Variants in FOXP3 observed in about 807,000 individuals in gnomAD.
FOXP3 encodes the protein forkhead box protein P3.
Under a neutral mutation model 31.2 loss-of-function variants are expected in FOXP3, and 5 were observed. The ratio of observed to expected loss-of-function variants is 0.16; its 90% CI spans 0.08 to 0.34. FOXP3 has a LOEUF of 0.34. Among genes scored for constraint, FOXP3 ranks in the 10% least tolerant of loss-of-function variants. The probability of loss-of-function intolerance (pLI) is 1.00; values close to 1 mark genes in which losing one functional copy is unlikely to be tolerated. For synonymous variants in FOXP3, 141 were observed against 148.8 expected, an observed-to-expected ratio of 0.95 and a Z score of 0.38; for missense variants, 251 against 363.0, an observed-to-expected ratio of 0.69 and a Z score of 2.51.
intron 4 of FOXP3, 44 bp from the exon 5 acceptor site, chrX:49,257,056 T>C (rs782001311): frequency 2.7e-6 from 3 of 1,107,456 alleles, no homozygotes; most frequent in Non-Finnish European, 3.7e-6. Flanking sequence ...TGGGCTGGGC[T>C]CTGGAGCTTG....
intron 9 of FOXP3, 24 bp downstream of exon 9, chrX:49,253,893 G>A (rs1569529653): frequency 2.5e-6 from 3 of 1,209,514 alleles, no homozygotes; most frequent in South Asian, 1.8e-5. Flanking sequence ...TGGGGGCACC[G>A]TGTAGTGCAA....
intron 8 of FOXP3, among the ~76,000 whole-genome samples, chrX:49,255,104 C>T (rs782618965): frequency 2.7e-5 from 3 of 111,397 alleles, no homozygotes; most frequent in South Asian, 3.8e-4. Context: ...CCTGCCACCA[C>T]GCCTGGCTAA....
At chrX:49,259,486 C>T (rs2066097377) in intron 1 of FOXP3, among the ~76,000 whole-genome samples, 1 of 110,187 alleles carries the variant, frequency 9.1e-6, no homozygotes, top group Non-Finnish European at 1.9e-5. Context: ...CATCAGAGTT[C>T]ACCCCAATTT....
intron 10 of FOXP3, 37 bp downstream of exon 10, chrX:49,253,089 G>A (rs2066044233): frequency 8.5e-7 from 1 of 1,172,539 alleles, no homozygotes; most frequent in African/African-American, 1.8e-5. Flanking sequence ...CCCCATCTTT[G>A]TCTTCCTCCT....
rs143632471 is a variant in FOXP3 at position 49,257,545 on chromosome X, G to T, written c.336C>A (p.His112Gln). The T allele has an allele frequency of 4.2e-6, 5 of 1,182,183 alleles. No individual in the cohort carries two copies. In the African/African-American group the frequency reaches 7.1e-5, roughly 17 times the overall value. ...GCACCTGCAGCACAGGGGTCCGGGC[G>T]TGGGCATCCACCGTTGAGAGCTGGG... ...FMHQLSTVDA[H>Q]ARTPVLQVHP... The change falls in exon 4 of 12, where the codon CAC (histidine) becomes CAA (glutamine). Residue 112 changes from histidine (H) to glutamine (Q), a missense_variant. Physicochemically the swap from His to Gln is conservative, Grantham distance 24 (BLOSUM62 0). Coordinates refer to ENST00000376207, the MANE Select transcript of FOXP3 (RefSeq NM_014009.4).
In FOXP3 at chrX:49,256,207, TGAGAGA is replaced by T. The variant is rs1351260650; in HGVS notation, c.648-411_648-406del. 3.6e-5 allele frequency among the ~76,000 whole-genome samples: 3 copies of T among 82,791 alleles called. No homozygotes were observed. The South Asian group carries it at 1.9e-3, about 52-fold the overall frequency. 71.9% of individuals were successfully genotyped at this position (82,791 alleles called of 115,157 possible). ...GTGTGTATTTGTGTGTGTGTGTGTG[TGAGAGA>T]GAGAGAAAGAGAGAGAGAGAGAGAG... On this transcript the variant is annotated intron_variant, in intron 6 of 11. Transcript: ENST00000376207.
rs1557115800 is a variant in FOXP3 at position 49,253,189 on chromosome X, G to A, written c.981C>T (p.Asn327=). The change falls in exon 10 of 12, where the codon AAC becomes AAT. Residue 327 remains asparagine, a synonymous_variant. Transcript: ENST00000376207. ...TGTTGTGGAACTTGAAGTAGTCCAT[G>A]TTGTGGAGGAACTCTGTCAGAGGGT... The part of the protein sequence containing the change: ...GNSTFPEFLH[N]MDYFKFHNMR... 2 of 1,209,264 alleles carry A rather than the reference G, an allele frequency of 1.7e-6. No individual in the cohort carries two copies. The highest frequency in any genetic ancestry group is 4.4e-5 in the Admixed American group (2 of 45,942).
At chrX:49,256,629 G>A in intron 6 of FOXP3, 122 bp downstream of exon 6, 1 of 587,202 alleles carries the variant, frequency 1.7e-6, no homozygotes, top group East Asian at 3.5e-5. Flanking sequence ...TGAACCCACA[G>A]TCTCAGAGTT....
chrX:49,256,249 AGAGAGAG>A (rs2066071829), intron 6 of FOXP3, among the ~76,000 whole-genome samples: 2 of 98,497 alleles, frequency 2.0e-5, no homozygotes, highest in Non-Finnish European at 4.1e-5. Flanking sequence ...AGAGAGAGAG[AGAGAGAG>A]AGAGAGAGAG....
intron 1 of FOXP3, among the ~76,000 whole-genome samples, chrX:49,260,455 G>C (rs1442843152): frequency 8.9e-6 from 1 of 112,623 alleles, no homozygotes; most frequent in African/African-American, 3.2e-5. Context: ...ACTCTGGCCT[G>C]GCCCATGTGG....
Position 49,264,664 on chromosome X carries a change from G to C in FOXP3, c.-26C>G, listed in dbSNP as rs2066130205. On this transcript the variant is annotated 5_prime_UTR_variant, in exon 1 of 12. Transcript: ENST00000376207. The stretch of plus-strand genomic sequence containing the variant: ...AGGGGAGAGCAGGGACACTCACCTT[G>C]GTGAAGTGGACTGACAGAAAAGGAT... The C allele has an allele frequency of 2.7e-6, 2 of 751,366 alleles. No homozygotes were observed. Among genetic ancestry groups the C allele is most frequent in the Admixed American group, 1.8e-4 (2 of 11,336 alleles). The allele number at this position is 751,366 out of a possible 1,213,427, so 61.9% of individuals were successfully genotyped here.
chrX:49,259,106 G>A, intron 1 of FOXP3: 1 of 516,335 alleles, frequency 1.9e-6, no homozygotes, highest in Non-Finnish European at 3.6e-6. Context: ...TAGATTCTGA[G>A]ACTTAATCTG....
At position 49,256,205 on chromosome X, in the gene FOXP3, TGTGAGAGAGAGAGAAAGAGAGAGAGA is replaced by T. The variant is rs1219932577; in HGVS notation, c.648-429_648-404del. Reference sequence around the variant, plus strand: ...TGGTGTGTATTTGTGTGTGTGTGTGTGTGAGAGAGAGAGAAAGAGAGAGAGAGAGAGAGAGAGAGAGAGAGAGAGAG... The same window carrying T: ...TGGTGTGTATTTGTGTGTGTGTGTGTGAGAGAGAGAGAGAGAGAGAGAGAG... On this transcript the variant is annotated intron_variant, in intron 6 of 11. Transcript: ENST00000376207. 1.2e-3 allele frequency among the ~76,000 whole-genome samples: 117 copies of T among 93,826 alleles called. 1 individual carries two copies. The highest frequency in any genetic ancestry group is 2.1e-3 in the Non-Finnish European group (101 of 47,064). The allele number at this position is 93,826 out of a possible 115,157, so 81.5% of individuals were successfully genotyped here.
In FOXP3 at chrX:49,261,813, C is replaced by T. The variant is rs1254236484; in HGVS notation, c.-23+2848G>A. ...TTGGGGAGAGAGCCAGAACCAGGGT[C>T]CCACCTAGAGTCCTGAGATCTAGGC... On this transcript the variant is annotated intron_variant, in intron 1 of 11. Transcript: ENST00000376207. Among the ~76,000 whole-genome samples, 16 of 112,045 alleles carry T rather than the reference C, an allele frequency of 1.4e-4. No individual in the cohort carries two copies. In the Admixed American group the frequency reaches 1.5e-3, roughly 11 times the overall value.
chrX:49,263,916 G>A (rs2066125466), intron 1 of FOXP3, among the ~76,000 whole-genome samples: 2 of 110,869 alleles, frequency 1.8e-5, no homozygotes, highest in African/African-American at 6.5e-5. Context: ...TGCTCAGCTT[G>A]CCCCGGCACC....
intron 4 of FOXP3, 53 bp downstream of exon 4, chrX:49,257,374 A>G (rs56239837): frequency 3.6e-6 from 4 of 1,126,380 alleles, no homozygotes; most frequent in South Asian, 2.3e-5. Flanking sequence ...ACAGCCAAGG[A>G]TCTGGGGACT....
rs782359163 is a variant in FOXP3 at position 49,258,401 on chromosome X, C to T, written c.105G>A (p.Leu35=). 6.0e-6 allele frequency: 7 copies of T among 1,174,233 alleles called. No homozygotes were observed. Among genetic ancestry groups the T allele is most frequent in the South Asian group, 3.8e-5 (2 of 53,208 alleles). The change falls in exon 2 of 12, where the codon CTG becomes CTA. Residue 35 remains leucine (L), a synonymous_variant. Transcript: ENST00000376207. ...TTCCCCCTGGGCCCCGGGCCCCCAGCAGGTCTGAGGCTTTGGGTGCAGCCC... is the reference window on the plus strand; with the variant it reads ...TTCCCCCTGGGCCCCGGGCCCCCAGTAGGTCTGAGGCTTTGGGTGCAGCCC... The part of the protein sequence containing the change: ...SWRAAPKASD[L]LGARGPGGTF...
chrX:49,256,220 AAGAGAGAGAGAG>A (rs782303757), intron 6 of FOXP3, among the ~76,000 whole-genome samples: 1,775 of 66,955 alleles, frequency 0.027, 40 homozygotes, highest in African/African-American at 0.036. Context: ...GAGAGAGAGA[AAGAGAGAGAGAG>A]AGAGAGAGAG....
Position 49,251,133 on chromosome X carries a change from G to T in FOXP3, c.*201C>A. Reference sequence around the variant, plus strand: ...CTGGGGCCAGGACCGGGGCCCCTCTGAGCAGCCTTGGGGCAAAGGATATGA... The same window carrying T: ...CTGGGGCCAGGACCGGGGCCCCTCTTAGCAGCCTTGGGGCAAAGGATATGA... On this transcript the variant is annotated 3_prime_UTR_variant, in exon 12 of 12. Coordinates refer to ENST00000376207, the MANE Select transcript of FOXP3 (RefSeq NM_014009.4). The T allele has an allele frequency of 1.9e-6, 1 of 520,409 alleles. No homozygotes were observed. The highest frequency in any genetic ancestry group is 3.1e-6 in the Non-Finnish European group (1 of 321,499). 42.9% of individuals were successfully genotyped at this position (520,409 alleles called of 1,213,427 possible).
Sources: allele counts gnomAD v4.1 joint callset (sites outside exome capture counted in the v4.1 genomes callset), GRCh38; gene constraint gnomAD v4.1.1; transcripts MANE v1.5; gene names NCBI Gene and HGNC (gene_info 2026-07-23, HGNC 2026-07-21).